The following CYRIA variants were observed in gnomAD, a reference collection of about 807,000 sequenced individuals.
CYRIA encodes CYFIP related Rac1 interactor A.
Under a neutral mutation model 43.9 loss-of-function variants are expected in CYRIA, and 15 were observed. The ratio of observed to expected loss-of-function variants is 0.34; its 90% CI spans 0.23 to 0.53. The LOEUF is 0.53. CYRIA is among the 20% of genes least tolerant of loss of function. The pLI is 0.94. For missense variants in CYRIA, 236 were observed against 394.2 expected (o/e 0.60, Z 3.40); for synonymous variants, 117 against 136.0 (o/e 0.86, Z 0.97).
chr2:16,583,484 T>C (rs1667620490), intron 3 of CYRIA, among the ~76,000 whole-genome samples: 1 of 152,180 alleles, frequency 6.6e-6, no homozygotes, highest in South Asian at 2.1e-4. Context: ...TCTGATTTTT[T>C]AGGTGAGTCT....
intron 9 of CYRIA, among the ~76,000 whole-genome samples, chr2:16,560,254 T>C (rs1666677883): frequency 6.6e-6 from 1 of 152,172 alleles, no homozygotes; most frequent in South Asian, 2.1e-4. Flanking sequence ...TTGGAATAAA[T>C]CTTAACTTTG....
chr2:16,655,344 T>A (rs1392940432), intron 1 of CYRIA, among the ~76,000 whole-genome samples: 1 of 152,078 alleles, frequency 6.6e-6, no homozygotes, highest in Non-Finnish European at 1.5e-5. Flanking sequence ...TCAAACATAC[T>A]TGTTAAAAAT....
chr2:16,604,917 T>G (rs765719712), intron 2 of CYRIA, among the ~76,000 whole-genome samples: 1 of 152,192 alleles, frequency 6.6e-6, no homozygotes, highest in Non-Finnish European at 1.5e-5. Flanking sequence ...GTGAGTCTAT[T>G]AAGCACTTTC....
intron 2 of CYRIA, among the ~76,000 whole-genome samples, chr2:16,593,982 G>GC (rs1668029584): frequency 1.0e-5 from 1 of 95,980 alleles, no homozygotes; most frequent in Non-Finnish European, 2.0e-5. Flanking sequence ...GCGGTGTTTG[G>GC]TTTTTTGTTC....
In CYRIA at chr2:16,555,153, G is replaced by A; in HGVS notation, c.838-14C>T. Reference sequence around the variant, plus strand: ...GCAGCCTTTCATCTAGGAGGAGAAAGCACAATGTTTGTTAATATCTTAGTA... The same window carrying A: ...GCAGCCTTTCATCTAGGAGGAGAAAACACAATGTTTGTTAATATCTTAGTA... On this transcript the variant is annotated splice_polypyrimidine_tract_variant and intron_variant, in intron 10 of 11. Transcript: ENST00000381323. The A allele has an allele frequency of 6.2e-7, 1 of 1,609,296 alleles. No homozygotes were observed. Among genetic ancestry groups the A allele is most frequent in the Non-Finnish European group, 8.5e-7 (1 of 1,178,148 alleles).
intron 3 of CYRIA, among the ~76,000 whole-genome samples, chr2:16,569,781 C>T (rs554196928): frequency 2.6e-5 from 4 of 152,330 alleles, no homozygotes; most frequent in Non-Finnish European, 5.9e-5. Context: ...AATAATCATA[C>T]AGTCAGAACT....
chr2:16,614,786 C>T (rs1337881884), intron 2 of CYRIA, among the ~76,000 whole-genome samples: 1 of 152,206 alleles, frequency 6.6e-6, no homozygotes, highest in African/African-American at 2.4e-5. Flanking sequence ...AGCTGTATGG[C>T]CTTGGCAAGG....
intron 2 of CYRIA, among the ~76,000 whole-genome samples, chr2:16,603,130 T>C (rs1398921444): frequency 6.6e-6 from 1 of 152,096 alleles, no homozygotes; most frequent in Non-Finnish European, 1.5e-5. Context: ...ACAGAATGCA[T>C]TCAAATGAAT....
intron 2 of CYRIA, among the ~76,000 whole-genome samples, chr2:16,613,127 T>C (rs2103494043): frequency 6.6e-6 from 1 of 152,344 alleles, no homozygotes; most frequent in East Asian, 1.9e-4. Context: ...TATGTCTTTC[T>C]AGCAGCGTGA....
intron 3 of CYRIA, among the ~76,000 whole-genome samples, chr2:16,576,677 C>T (rs540011774): frequency 2.0e-5 from 3 of 152,274 alleles, no homozygotes; most frequent in African/African-American, 7.2e-5. Flanking sequence ...TGTAAACTTG[C>T]AGCTATTCAC....
At chr2:16,613,065 G>C (rs1398143374) in intron 2 of CYRIA, among the ~76,000 whole-genome samples, 1 of 152,206 alleles carries the variant, frequency 6.6e-6, no homozygotes, top group Non-Finnish European at 1.5e-5. Context: ...ACAGCCATGT[G>C]GAACTGTGAG....
intron 2 of CYRIA, among the ~76,000 whole-genome samples, chr2:16,621,078 A>G (rs999682861): frequency 2.0e-5 from 3 of 152,228 alleles, no homozygotes; most frequent in African/African-American, 7.2e-5. Flanking sequence ...TGGTAAAACC[A>G]GAAGCAACTC....
At chr2:16,635,977 G>A (rs75876567) in intron 1 of CYRIA, among the ~76,000 whole-genome samples, 4,848 of 152,196 alleles carry the variant, frequency 0.032, 260 homozygotes, top group African/African-American at 0.11. Flanking sequence ...AAACGCGACC[G>A]ACATTGTGGC....
intron 1 of CYRIA, among the ~76,000 whole-genome samples, chr2:16,634,007 G>A (rs1469199879): frequency 6.6e-6 from 1 of 152,104 alleles, no homozygotes; most frequent in Non-Finnish European, 1.5e-5. Flanking sequence ...TCAGTCCCAG[G>A]TGCTTCCCAG....
At chr2:16,616,069 T>C (rs1012575569) in intron 2 of CYRIA, among the ~76,000 whole-genome samples, 2 of 152,134 alleles carry the variant, frequency 1.3e-5, no homozygotes, top group African/African-American at 2.4e-5. Flanking sequence ...AGCCAGTCTT[T>C]GTCAGGTCCC....
intron 1 of CYRIA, among the ~76,000 whole-genome samples, chr2:16,637,399 G>A (rs1572195185): frequency 6.6e-6 from 1 of 152,144 alleles, no homozygotes; most frequent in African/African-American, 2.4e-5. Context: ...CTTCTCAAAA[G>A]AGACACAACA....
At chr2:16,662,063 T>C (rs1018285055) in intron 1 of CYRIA, among the ~76,000 whole-genome samples, 1 of 152,244 alleles carries the variant, frequency 6.6e-6, no homozygotes, top group African/African-American at 2.4e-5. Flanking sequence ...ACTTCAAATT[T>C]GTTCTCCTTT....
intron 1 of CYRIA, among the ~76,000 whole-genome samples, chr2:16,627,438 C>T (rs1037338017): frequency 4.6e-5 from 7 of 152,240 alleles, no homozygotes; most frequent in Non-Finnish European, 1.0e-4. Context: ...TGATCAAGTA[C>T]TTACTGTGTG....
chr2:16,634,232 T>G (rs1360429607), intron 1 of CYRIA, among the ~76,000 whole-genome samples: 1 of 152,220 alleles, frequency 6.6e-6, no homozygotes, highest in African/African-American at 2.4e-5. Flanking sequence ...GGGATCACTA[T>G]TTCTCCTTTT....
Sources: allele counts gnomAD v4.1 joint callset (sites outside exome capture counted in the v4.1 genomes callset), GRCh38; gene constraint gnomAD v4.1.1; transcripts MANE v1.5; gene names NCBI Gene and HGNC (gene_info 2026-07-23, HGNC 2026-07-21).